CDK14: variants seen among roughly 807,000 people sequenced by gnomAD.
The protein encoded by CDK14 is cyclin dependent kinase 14.
CDK14 carries 34 observed loss-of-function variants against 60.7 expected under a neutral mutation model. That is an observed-to-expected ratio of 0.56 (90% CI 0.43 to 0.75). The LOEUF (loss-of-function observed/expected upper bound fraction) is 0.75, where lower values mean the gene tolerates loss of function less well. Ranked by LOEUF, CDK14 falls within the 30% of genes least tolerant of loss-of-function variation. CDK14 has a pLI of 0.00. For synonymous variants in CDK14, 197 were observed against 203.7 expected (o/e 0.97, Z 0.28); for missense variants, 482 against 564.1 (o/e 0.85, Z 1.47).
At chr7:90,781,166 G>T (rs1449973955) in intron 4 of CDK14, among the ~76,000 whole-genome samples, 1 of 152,238 alleles carries the variant, frequency 6.6e-6, no homozygotes, top group Non-Finnish European at 1.5e-5. Flanking sequence ...CTGATAGCCA[G>T]TGATAGTGAG....
At position 91,015,672 on chromosome 7, in the gene CDK14, C is replaced by T. The variant is rs1013607866; in HGVS notation, c.1042-30225C>T. ...CCTCCCGAGTAACTGGGACTACAGG[C>T]ACCCGCCACCATGCCCGGCTAATTT... On this transcript the variant is annotated intron_variant, in intron 10 of 14. Transcript: ENST00000380050. Among the ~76,000 whole-genome samples, 68 of 151,538 alleles carry T rather than the reference C, an allele frequency of 4.5e-4. 1 individual carries two copies. The highest frequency in any genetic ancestry group is 1.6e-3 in the African/African-American group (65 of 41,266).
At chr7:90,630,026 G>A (rs1237370626) in intron 2 of CDK14, among the ~76,000 whole-genome samples, 1 of 151,198 alleles carries the variant, frequency 6.6e-6, no homozygotes, top group Non-Finnish European at 1.5e-5. Context: ...GCAACAGAAC[G>A]AGACACTGTC....
chr7:91,160,446 A>G (rs1801133209), intron 14 of CDK14, among the ~76,000 whole-genome samples: 1 of 152,192 alleles, frequency 6.6e-6, no homozygotes, highest in South Asian at 2.1e-4. Context: ...AAAGAGCAGG[A>G]AAGTCCCCAA....
intron 10 of CDK14, among the ~76,000 whole-genome samples, chr7:91,028,296 A>C (rs1038396199): frequency 5.3e-5 from 8 of 150,892 alleles, no homozygotes; most frequent in Middle Eastern, 6.8e-3. Context: ...ACACACACAC[A>C]CCCCCCACAT....
intron 2 of CDK14, among the ~76,000 whole-genome samples, chr7:90,661,975 G>T (rs547531703): frequency 4.6e-5 from 7 of 152,270 alleles, no homozygotes; most frequent in African/African-American, 1.7e-4. Context: ...AGCTTGTCTG[G>T]CAGGAGCTTC....
intron 2 of CDK14, among the ~76,000 whole-genome samples, chr7:90,634,957 T>C (rs1213406451): frequency 1.2e-4 from 18 of 152,208 alleles, no homozygotes; most frequent in Admixed American, 1.2e-3. Flanking sequence ...GTTCATGTCC[T>C]TTGCCCACTT....
chr7:90,940,382 G>C (rs903113214), intron 8 of CDK14, among the ~76,000 whole-genome samples: 1 of 152,074 alleles, frequency 6.6e-6, no homozygotes, highest in East Asian at 1.9e-4. Flanking sequence ...GCTGCATTTT[G>C]TATCTGTACT....
At chr7:90,600,261 A>T (rs946970757) in intron 1 of CDK14, among the ~76,000 whole-genome samples, 2 of 152,208 alleles carry the variant, frequency 1.3e-5, no homozygotes, top group Non-Finnish European at 2.9e-5. Flanking sequence ...ACAAAGACAA[A>T]TGGGAATTTA....
rs1232570986 is a variant in CDK14 at position 90,743,863 on chromosome 7, CTT to C, written c.370-3813_370-3812del. Among the ~76,000 whole-genome samples the C allele has an allele frequency of 3.3e-5, 5 of 151,706 alleles. No individual in the cohort carries two copies. The East Asian group carries it at 9.7e-4, about 29-fold the overall frequency. ...CCCCTTCTTTATTTTCAGATTTACT[CTT>C]TTTTAATCTCTTCTTAATAGCATAT... is the stretch of plus-strand genomic sequence containing the variant. On this transcript the variant is annotated intron_variant, in intron 3 of 14. Coordinates refer to ENST00000380050, the MANE Select transcript of CDK14 (RefSeq NM_001287135.2).
chr7:90,617,805 T>G (rs561249281), intron 2 of CDK14, among the ~76,000 whole-genome samples: 57 of 152,150 alleles, frequency 3.7e-4, no homozygotes, highest in Non-Finnish European at 7.3e-4. Flanking sequence ...GTAATTTGTT[T>G]AGTAAAAATT....
chr7:91,187,898 A>G (rs1006448230), intron 14 of CDK14, among the ~76,000 whole-genome samples: 10 of 152,074 alleles, frequency 6.6e-5, no homozygotes, highest in African/African-American at 2.4e-4. Flanking sequence ...TCTTCTCCTT[A>G]CAGTACGCAC....
chr7:90,855,709 A>G (rs1790797891), intron 5 of CDK14, among the ~76,000 whole-genome samples: 1 of 152,202 alleles, frequency 6.6e-6, no homozygotes, highest in African/African-American at 2.4e-5. Context: ...ACTAGGTTGA[A>G]CCACGTACAA....
rs1446889402 is a variant in CDK14, at chr7:91,177,222, C to A, written c.*29-29943C>A. On this transcript the variant is annotated intron_variant, in intron 14 of 14. Transcript: ENST00000380050. ...AAAGACAAAAACCACATGATTATCT[C>A]AATAGATGCAGAAAAAGCCTTTGAC... 1.3e-5 allele frequency among the ~76,000 whole-genome samples: 2 copies of A among 149,556 alleles called. 1 individual carries two copies. Among genetic ancestry groups the A allele is most frequent in the African/African-American group, 5.0e-5 (2 of 40,360 alleles).
At chr7:90,597,096 GGGC>G (rs1799208734) in intron 1 of CDK14, 1 of 207,264 alleles carries the variant, frequency 4.8e-6, no homozygotes, top group Non-Finnish European at 9.7e-6. Context: ...CTTGGATATT[GGGC>G]GTTTAGTCAG....
chr7:90,700,313 C>CA (rs571197540), intron 2 of CDK14, among the ~76,000 whole-genome samples: 124 of 152,238 alleles, frequency 8.1e-4, no homozygotes, highest in African/African-American at 2.9e-3. Flanking sequence ...AGGATGATCT[C>CA]AATCTCTTGA....
intron 2 of CDK14, among the ~76,000 whole-genome samples, chr7:90,700,982 A>G (rs1378265037): frequency 6.6e-6 from 1 of 152,230 alleles, no homozygotes; most frequent in East Asian, 1.9e-4. Context: ...CGTGAAATAC[A>G]GAAAATGTAG....
At chr7:91,010,054 C>T (rs559308689) in intron 10 of CDK14, among the ~76,000 whole-genome samples, 10 of 152,168 alleles carry the variant, frequency 6.6e-5, no homozygotes, top group African/African-American at 2.2e-4. Flanking sequence ...ACTATCCTTT[C>T]TCCACTGAAT....
At chr7:90,634,765 C>G (rs1278483913) in intron 2 of CDK14, among the ~76,000 whole-genome samples, 1 of 151,906 alleles carries the variant, frequency 6.6e-6, no homozygotes, top group Non-Finnish European at 1.5e-5. Flanking sequence ...TAAAAGTGTT[C>G]CTATTTGTCC....
rs1318033336 is a variant in CDK14 at position 90,726,804 on chromosome 7, C to G, written c.361C>G (p.Pro121Ala). The change falls in exon 3 of 15, where the codon CCC (proline) becomes GCC (alanine). Residue 121 changes from proline (P) to alanine (A), a missense_variant. By Grantham distance (27) the Pro-to-Ala change is conservative. Transcript: ENST00000380050. ...ESPKVRRHSS[P>A]SSPTSPKFGK... ...ACCTAAAGTTAGGCGGCACTCCAGC[C>G]CCAGCTCGGTAAGTGCAGTCTTTTT... 2 of 1,613,444 alleles carry G rather than the reference C, an allele frequency of 1.2e-6. No homozygotes were observed. The highest frequency in any genetic ancestry group is 4.5e-5 in the East Asian group (2 of 44,868).
Sources: gnomAD v4.1 joint callset for allele counts (sites outside exome capture counted in the v4.1 genomes callset) on GRCh38, gnomAD v4.1.1 for gene constraint, MANE v1.5 for transcripts, NCBI Gene and HGNC (gene_info 2026-07-23, HGNC 2026-07-21) for gene names.